CNR2: variants seen among roughly 807,000 people sequenced by gnomAD.
The protein encoded by CNR2 is cannabinoid receptor 2 (macrophage).
For synonymous variants in CNR2, 172 were observed against 182.2 expected (o/e 0.94, Z 0.45); for missense variants, 379 against 439.9 (o/e 0.86, Z 1.24).
chr1:23,886,975 G>A (rs550770215), intron 1 of CNR2, among the ~76,000 whole-genome samples: 11 of 152,156 alleles, frequency 7.2e-5, no homozygotes, highest in African/African-American at 2.4e-4. Context: ...GCACAATCTC[G>A]GCTCACTGCA....
At chr1:23,880,031 T>G (rs1009458398) in intron 1 of CNR2, among the ~76,000 whole-genome samples, 1 of 152,188 alleles carries the variant, frequency 6.6e-6, no homozygotes, top group African/African-American at 2.4e-5. Context: ...ACAGGTCCTT[T>G]GCACTGGCTG....
intron 1 of CNR2, chr1:23,901,942 C>G (rs1640407019): frequency 3.1e-6 from 5 of 1,603,522 alleles, no homozygotes; most frequent in Non-Finnish European, 4.3e-6. Context: ...GGCCCTTCCT[C>G]TTGATCAGGG....
rs773052907 is a variant in CNR2, at chr1:23,909,262, G to A, written c.-46+3984C>T. On this transcript the variant is annotated intron_variant, in intron 1 of 1. Transcript: ENST00000374472. The stretch of plus-strand genomic sequence containing the variant: ...GCATTTGAGGTCTTTGCTGCATGGC[G>A]TGAGGACTGAGTACATCCTTTCTCT... Among the ~76,000 whole-genome samples the A allele has an allele frequency of 1.1e-3, 166 of 152,144 alleles. 1 individual carries two copies. The highest frequency in any genetic ancestry group is 3.4e-4 in the Non-Finnish European group (23 of 68,024).
chr1:23,879,285 C>T (rs1639939176), intron 1 of CNR2, among the ~76,000 whole-genome samples: 1 of 152,038 alleles, frequency 6.6e-6, no homozygotes, highest in Non-Finnish European at 1.5e-5. Flanking sequence ...CAGAGTGAGA[C>T]TCTGTTTCAA....
intron 1 of CNR2, among the ~76,000 whole-genome samples, chr1:23,878,630 C>T (rs751274764): frequency 2.6e-4 from 40 of 152,270 alleles, no homozygotes; most frequent in African/African-American, 8.4e-4. Flanking sequence ...ATGCCCACCT[C>T]GGCCTCCCAA....
chr1:23,882,075 C>T (rs1298237298), intron 1 of CNR2, among the ~76,000 whole-genome samples: 2 of 151,550 alleles, frequency 1.3e-5, no homozygotes, highest in African/African-American at 2.4e-5. Context: ...GTGCCTGCCA[C>T]CACGACCAGC....
rs113017353 is a variant in CNR2 at position 23,904,944 on chromosome 1, G to A, written c.-46+8302C>T. Among the ~76,000 whole-genome samples, 126 of 152,270 alleles carry A rather than the reference G, an allele frequency of 8.3e-4. 1 individual carries two copies. Among genetic ancestry groups the A allele is most frequent in the African/African-American group, 2.8e-3 (118 of 41,562 alleles). ...TGGTTTGGCCAGATCCCAAAGGGTA[G>A]AGCCCCTACCCCAGCCATGATTCTG... On this transcript the variant is annotated intron_variant, in intron 1 of 1. Transcript: ENST00000374472.
intron 1 of CNR2, among the ~76,000 whole-genome samples, chr1:23,890,765 A>C (rs1462121390): frequency 1.3e-5 from 2 of 149,638 alleles, no homozygotes; most frequent in African/African-American, 2.5e-5. Context: ...AAAAAGAAAT[A>C]GATCAAAGTG....
chr1:23,884,681 C>T (rs1002487944), intron 1 of CNR2, among the ~76,000 whole-genome samples: 3 of 151,690 alleles, frequency 2.0e-5, no homozygotes, highest in East Asian at 1.9e-4. Flanking sequence ...AATAAAAGGT[C>T]GGCAATGTTA....
chr1:23,905,457 G>A (rs941690152), intron 1 of CNR2, among the ~76,000 whole-genome samples: 4 of 151,014 alleles, frequency 2.6e-5, no homozygotes, highest in Non-Finnish European at 5.9e-5. Flanking sequence ...TGGGATTACA[G>A]GCATGAGCCA....
chr1:23,902,022 G>C, intron 1 of CNR2: 1 of 1,600,546 alleles, frequency 6.2e-7, no homozygotes, highest in Non-Finnish European at 8.6e-7. Context: ...TCCAGAGTCA[G>C]GATGTCTGGA....
At position 23,874,338 on chromosome 1, in the gene CNR2, A is replaced by G. The variant is rs1050802239; in HGVS notation, c.*197T>C. The stretch of plus-strand genomic sequence containing the variant: ...CTGGCTACTCCTCGTGGCCCTACCT[A>G]TCCAACAGACTGTGTGCAGGTGGGC... On this transcript the variant is annotated 3_prime_UTR_variant, in exon 2 of 2. Coordinates refer to ENST00000374472, the MANE Select transcript of CNR2 (RefSeq NM_001841.3). 1 of 603,980 alleles carries G rather than the reference A, an allele frequency of 1.7e-6. No homozygotes were observed. Among genetic ancestry groups the G allele is most frequent in the African/African-American group, 1.9e-5 (1 of 53,968 alleles). The allele number at this position is 603,980 out of a possible 1,614,324, so 37.4% of individuals were successfully genotyped here. A position where few individuals can be genotyped will look rare whatever the true frequency, so the allele number is the denominator to read the frequency against.
chr1:23,912,846 G>A (rs1169366313), intron 1 of CNR2, among the ~76,000 whole-genome samples: 5 of 152,160 alleles, frequency 3.3e-5, no homozygotes, highest in Admixed American at 6.6e-5. Flanking sequence ...GGCTTCTTGT[G>A]TCCCTGGAGG....
chr1:23,881,845 C>T (rs566767945), intron 1 of CNR2, among the ~76,000 whole-genome samples: 15 of 145,584 alleles, frequency 1.0e-4, no homozygotes, highest in South Asian at 2.3e-4. Flanking sequence ...GAGCCAAGAT[C>T]GTGCCATTGC....
intron 1 of CNR2, among the ~76,000 whole-genome samples, chr1:23,899,119 C>T (rs949234563): frequency 6.6e-6 from 1 of 152,116 alleles, no homozygotes; most frequent in Non-Finnish European, 1.5e-5. Context: ...CTTTATCCTC[C>T]AAACTGCCCT....
chr1:23,902,144 G>A, intron 1 of CNR2: 1 of 1,416,352 alleles, frequency 7.1e-7, no homozygotes, highest in Non-Finnish European at 1.0e-6. Flanking sequence ...GTGACTGGCA[G>A]CCCCTGCCTC....
rs1283296161 is a variant in CNR2 at position 23,872,089 on chromosome 1, T to C, written c.*2446A>G. ...TGGAGGTTGCAGTGAGCCAAGATCA[T>C]GTCACTGCACTCCTGCCTGGACAAC... On this transcript the variant is annotated 3_prime_UTR_variant, in exon 2 of 2. Transcript: ENST00000374472. 1.6e-5 allele frequency: 2 copies of C among 125,826 alleles called. No homozygotes were observed. Among genetic ancestry groups the C allele is most frequent in the Admixed American group, 1.0e-4 (1 of 9,640 alleles). The allele number at this position is 125,826 out of a possible 1,614,324, so 7.8% of individuals were successfully genotyped here.
intron 1 of CNR2, among the ~76,000 whole-genome samples, chr1:23,887,741 A>G (rs144917214): frequency 2.2e-3 from 336 of 152,278 alleles, no homozygotes; most frequent in South Asian, 7.7e-3. Flanking sequence ...TAACAGAATA[A>G]TGGTATAAGT....
chr1:23,901,545 G>A (rs1430842712), intron 1 of CNR2: 2 of 1,611,074 alleles, frequency 1.2e-6, no homozygotes, highest in Non-Finnish European at 1.7e-6. Context: ...GAGGAGCACT[G>A]GAACTGGAAG....
Sources: allele counts gnomAD v4.1 joint callset (sites outside exome capture counted in the v4.1 genomes callset), GRCh38; gene constraint gnomAD v4.1.1; transcripts MANE v1.5; gene names NCBI Gene and HGNC (gene_info 2026-07-23, HGNC 2026-07-21).